XIRP2: variants seen among roughly 807,000 people sequenced by gnomAD.
The protein encoded by XIRP2 is xin actin binding repeat containing 2, also known as xin actin-binding repeat-containing protein 2.
A neutral mutation model predicts 277.0 loss-of-function variants in XIRP2; 236 were observed. That is an observed-to-expected ratio of 0.85 (90% CI 0.77 to 0.95). The LOEUF (loss-of-function observed/expected upper bound fraction) is 0.95. Among genes scored for constraint, XIRP2 ranks in the 40% least tolerant of loss-of-function variants. The probability of loss-of-function intolerance (pLI) is 0.00; values close to 1 mark genes in which losing one functional copy is unlikely to be tolerated. For synonymous variants in XIRP2, 1,490 were observed against 1,416.5 expected, an observed-to-expected ratio of 1.05 and a Z score of -1.17; for missense variants, 4,640 against 4,157.5, an observed-to-expected ratio of 1.12 and a Z score of -3.19.
intron 2 of XIRP2, among the ~76,000 whole-genome samples, chr2:166,996,268 C>A (rs2105448820): frequency 6.6e-6 from 1 of 152,102 alleles, no homozygotes; most frequent in Admixed American, 6.5e-5. Flanking sequence ...TAAAACAAGC[C>A]CAGAGTACAA....
intron 3 of XIRP2, among the ~76,000 whole-genome samples, chr2:167,161,101 G>T (rs7558809): frequency 0.099 from 15,045 of 152,262 alleles, 798 homozygotes; most frequent in South Asian, 0.15. Context: ...TCATGCTGGA[G>T]CAAGAGGTGG....
At position 167,251,109 on chromosome 2, in the gene XIRP2, A is replaced by G. The variant is rs1037352489; in HGVS notation, c.9717A>G (p.Thr3239=). ...TRGRDSPPTI[T]IPVNINHAAS... Reference sequence around the variant, plus strand: ...GTAGGGACTCTCCACCTACAATCACAATACCAGTAAATATAAATCATGCTG... The same window carrying G: ...GTAGGGACTCTCCACCTACAATCACGATACCAGTAAATATAAATCATGCTG... Residue 3239 remains threonine (T), a synonymous_variant, in exon 9 of 11, where the codon ACA becomes ACG. Transcript: ENST00000409195. 15 of 1,613,454 alleles carry G rather than the reference A, an allele frequency of 9.3e-6. No individual in the cohort carries two copies. The African/African-American group carries it at 1.7e-4, about 19-fold the overall frequency.
intron 2 of XIRP2, among the ~76,000 whole-genome samples, chr2:167,111,102 G>A (rs141968930): frequency 9.5e-4 from 144 of 152,086 alleles, no homozygotes; most frequent in African/African-American, 3.2e-3. Flanking sequence ...TTTACATACC[G>A]AATTACGTCA....
chr2:167,246,367 G>A lies in XIRP2; in HGVS notation c.4975G>A (p.Val1659Ile), dbSNP rs1272332407. 6.2e-7 allele frequency: 1 copy of A among 1,613,090 alleles called. No individual in the cohort carries two copies. The highest frequency in any genetic ancestry group is 1.3e-5 in the African/African-American group (1 of 74,824). Residue 1659 changes from valine (V) to isoleucine (I), a missense_variant, in exon 9 of 11, where the codon GTA becomes ATA. Physicochemically the swap from Val to Ile is conservative, Grantham distance 29. Transcript: ENST00000409195. ...AAAAGAAGAGATAGTGAAAGGTGAT[G>A]TACAACAAGCAATAAAAAACCTGTT... ...AEKEEIVKGD[V>I]QQAIKNLFSE...
intron 2 of XIRP2, among the ~76,000 whole-genome samples, chr2:167,039,683 G>C (rs900156752): frequency 1.3e-5 from 2 of 152,274 alleles, no homozygotes; most frequent in Non-Finnish European, 2.9e-5. Context: ...AGTAGACTTT[G>C]GCAGGTCTTA....
At chr2:167,162,546 T>C (rs2105341910) in intron 3 of XIRP2, among the ~76,000 whole-genome samples, 1 of 152,254 alleles carries the variant, frequency 6.6e-6, no homozygotes, top group South Asian at 2.1e-4. Flanking sequence ...GAGAACAGCA[T>C]GGGAAAGGCC....
chr2:167,210,571 T>C (rs187233145), intron 3 of XIRP2, among the ~76,000 whole-genome samples, 164 bp from the exon 4 acceptor site: 17 of 152,334 alleles, frequency 1.1e-4, no homozygotes, highest in African/African-American at 4.1e-4. Context: ...GTAACTTTGC[T>C]TGAAAGCTTG....
intron 3 of XIRP2, among the ~76,000 whole-genome samples, chr2:167,209,600 A>T (rs1281890204): frequency 6.6e-6 from 1 of 152,102 alleles, no homozygotes; most frequent in Admixed American, 6.6e-5. Flanking sequence ...GAGATGCATG[A>T]ATGAGTGATG....
In XIRP2 at chr2:167,259,079, G is replaced by A; in HGVS notation, c.*1262G>A. On this transcript the variant is annotated 3_prime_UTR_variant, in exon 11 of 11. Transcript: ENST00000409195. ...CTTTTCTAACACCGTGAAAATCACT[G>A]CATTTTCCAAGAAAAATGAGAACAT... 1.2e-6 allele frequency: 2 copies of A among 1,611,524 alleles called. No homozygotes were observed. The highest frequency in any genetic ancestry group is 1.7e-6 in the Non-Finnish European group (2 of 1,178,326).
At chr2:167,156,739 A>G (rs956938399) in intron 3 of XIRP2, among the ~76,000 whole-genome samples, 2 of 152,188 alleles carry the variant, frequency 1.3e-5, no homozygotes, top group South Asian at 2.1e-4. Context: ...CCATATCCAT[A>G]TTTTTATGAC....
chr2:167,112,640 T>G (rs61288344), intron 2 of XIRP2, among the ~76,000 whole-genome samples: 6,647 of 145,998 alleles, frequency 0.046, 214 homozygotes, highest in East Asian at 0.11. Context: ...TGTATATATA[T>G]AGAGAGAGAT....
chr2:167,076,855 A>G (rs1333295065), intron 2 of XIRP2, among the ~76,000 whole-genome samples: 1 of 152,108 alleles, frequency 6.6e-6, no homozygotes, highest in Non-Finnish European at 1.5e-5. Context: ...ATTTTGAGAC[A>G]GGGTCTCACT....
At chr2:167,036,095 A>G (rs1442803680) in intron 2 of XIRP2, among the ~76,000 whole-genome samples, 4 of 152,238 alleles carry the variant, frequency 2.6e-5, no homozygotes, top group African/African-American at 4.8e-5. Flanking sequence ...AGTTTGCTGC[A>G]GAGGCAGCGC....
At chr2:167,034,083 A>G (rs752644169) in intron 2 of XIRP2, among the ~76,000 whole-genome samples, 1 of 152,194 alleles carries the variant, frequency 6.6e-6, no homozygotes, top group Non-Finnish European at 1.5e-5. Flanking sequence ...GTTTCAAGAC[A>G]TAAACAATAT....
At chr2:167,238,089 T>G (rs1694953704) in intron 5 of XIRP2, among the ~76,000 whole-genome samples, 1 of 152,240 alleles carries the variant, frequency 6.6e-6, no homozygotes, top group African/African-American at 2.4e-5. Flanking sequence ...TGTTCTATCC[T>G]CAGTTTTGAG....
chr2:166,970,096 A>G (rs188989014), intron 2 of XIRP2, among the ~76,000 whole-genome samples: 2 of 152,172 alleles, frequency 1.3e-5, no homozygotes, highest in Non-Finnish European at 2.9e-5. Context: ...GGAGCCCTGT[A>G]AAGATAATTT....
At chr2:167,242,424 T>C (rs531581044) in intron 8 of XIRP2, 145 bp from the exon 9 acceptor site, 2 of 727,558 alleles carry the variant, frequency 2.7e-6, no homozygotes, top group Admixed American at 5.7e-5. Flanking sequence ...TATTCCTAAG[T>C]TGGTCTTTAA....
At chr2:166,944,183 AT>A (rs1359844878) in intron 2 of XIRP2, among the ~76,000 whole-genome samples, 2 of 152,084 alleles carry the variant, frequency 1.3e-5, no homozygotes, top group African/African-American at 4.8e-5. Flanking sequence ...ATCTGTTAGT[AT>A]TTTTTCTTCA....
chr2:167,150,335 G>A (rs2105330930), intron 3 of XIRP2, among the ~76,000 whole-genome samples: 1 of 151,944 alleles, frequency 6.6e-6, no homozygotes, highest in East Asian at 1.9e-4. Flanking sequence ...ATCACATGAG[G>A]AGACATTTTA....
Sources: gnomAD v4.1 joint callset for allele counts (sites outside exome capture counted in the v4.1 genomes callset) on GRCh38, gnomAD v4.1.1 for gene constraint, MANE v1.5 for transcripts, NCBI Gene and HGNC (gene_info 2026-07-23, HGNC 2026-07-21) for gene names.